The following GOT2 variants were observed in gnomAD, a reference collection of about 807,000 sequenced individuals.
The protein encoded by GOT2 is glutamic-oxaloacetic transaminase 2.
Under a neutral mutation model 50.0 loss-of-function variants are expected in GOT2, and 17 were observed. The observed-to-expected ratio is 0.34, with a 90% CI of 0.23 to 0.51. The LOEUF (loss-of-function observed/expected upper bound fraction) is 0.51. Ranked by LOEUF, GOT2 falls within the 20% of genes least tolerant of loss-of-function variation. GOT2 has a pLI of 0.97. For synonymous variants in GOT2, 172 were observed against 204.9 expected (o/e 0.84, Z 1.37); for missense variants, 430 against 559.6 (o/e 0.77, Z 2.34).
intron 8 of GOT2, 47 bp from the exon 9 acceptor site, chr16:58,709,614 C>A: frequency 6.5e-7 from 1 of 1,548,480 alleles, no homozygotes; most frequent in South Asian, 1.2e-5. Context: ...AAGCACTGAC[C>A]GATATGCTGG....
intron 9 of GOT2, 103 bp downstream of exon 9, chr16:58,709,314 A>C (rs1257110138): frequency 1.5e-5 from 15 of 1,010,686 alleles, no homozygotes; most frequent in Non-Finnish European, 2.1e-5. Flanking sequence ...AAAACAAAAA[A>C]CCCGAAAACA....
chr16:58,727,095 A>T (rs552365374), intron 1 of GOT2, among the ~76,000 whole-genome samples: 1 of 152,132 alleles, frequency 6.6e-6, no homozygotes, highest in Non-Finnish European at 1.5e-5. Context: ...CGGAGGTTGC[A>T]GTGAGCCGAG....
chr16:58,724,004 A>AG, intron 1 of GOT2, 102 bp from the exon 2 acceptor site: 1 of 1,043,878 alleles, frequency 9.6e-7, no homozygotes, highest in South Asian at 1.6e-5. Context: ...CCCAGGCTGG[A>AG]GTGCAGTGGT....
chr16:58,712,933 C>T (rs2044661538), intron 8 of GOT2, among the ~76,000 whole-genome samples: 1 of 152,106 alleles, frequency 6.6e-6, no homozygotes, highest in Non-Finnish European at 1.5e-5. Flanking sequence ...AACCCCGTCT[C>T]TACTAAAAAT....
At chr16:58,724,002 G>T in intron 1 of GOT2, 100 bp from the exon 2 acceptor site, 1 of 1,039,786 alleles carries the variant, frequency 9.6e-7, no homozygotes, top group Non-Finnish European at 1.4e-6. Context: ...TGCCCAGGCT[G>T]GAGTGCAGTG....
intron 1 of GOT2, among the ~76,000 whole-genome samples, chr16:58,733,058 A>G (rs2044848629): frequency 6.6e-6 from 1 of 152,226 alleles, no homozygotes; most frequent in African/African-American, 2.4e-5. Context: ...TTCAAACGAA[A>G]GGCCAAGCTA....
chr16:58,734,131 T>C lies in GOT2; in HGVS notation c.89+9A>G, dbSNP rs771424682. The stretch of plus-strand genomic sequence containing the variant: ...CGCCCTGGCTCCATCTCCGTTTCCC[T>C]TGGCTTACCTGGCTCTGGCAGAGGC... On this transcript the variant is annotated intron_variant, in intron 1 of 9. Coordinates refer to ENST00000245206, the MANE Select transcript of GOT2 (RefSeq NM_002080.4). 2 of 1,317,708 alleles carry C rather than the reference T, an allele frequency of 1.5e-6. No homozygotes were observed. Among genetic ancestry groups the C allele is most frequent in the Admixed American group, 6.1e-5 (2 of 32,774 alleles). 81.6% of individuals were successfully genotyped at this position (1,317,708 alleles called of 1,614,324 possible).
chr16:58,724,697 T>C (rs1014734219), intron 1 of GOT2, among the ~76,000 whole-genome samples: 1 of 151,912 alleles, frequency 6.6e-6, no homozygotes, highest in Non-Finnish European at 1.5e-5. Context: ...ACCGCCACCA[T>C]ACCCAGCTAA....
intron 9 of GOT2, among the ~76,000 whole-genome samples, chr16:58,708,781 C>A (rs1597695643): frequency 1.3e-5 from 2 of 151,430 alleles, no homozygotes; most frequent in Admixed American, 6.6e-5. Flanking sequence ...TGATTATGAA[C>A]ATGATCAAAA....
chr16:58,728,657 C>T (rs2044806825), intron 1 of GOT2, among the ~76,000 whole-genome samples: 1 of 152,014 alleles, frequency 6.6e-6, no homozygotes, highest in African/African-American at 2.4e-5. Flanking sequence ...TTAACAATAA[C>T]CCACAACCCT....
At chr16:58,715,910 G>A in intron 8 of GOT2, 104 bp downstream of exon 8, 1 of 869,596 alleles carries the variant, frequency 1.1e-6, no homozygotes, top group Non-Finnish European at 1.7e-6. Context: ...TCCACATATG[G>A]AATCTATGGG....
chr16:58,733,048 T>C (rs967066416), intron 1 of GOT2, among the ~76,000 whole-genome samples: 2 of 152,210 alleles, frequency 1.3e-5, no homozygotes, highest in African/African-American at 4.8e-5. Context: ...AGAGCATACA[T>C]TCAAACGAAA....
At chr16:58,729,864 A>T (rs931824917) in intron 1 of GOT2, among the ~76,000 whole-genome samples, 11 of 152,132 alleles carry the variant, frequency 7.2e-5, no homozygotes, top group African/African-American at 2.7e-4. Context: ...TCTAAACACA[A>T]TTTCAAAATA....
At chr16:58,720,555 C>G (rs1341274620) in intron 3 of GOT2, among the ~76,000 whole-genome samples, 1 of 151,180 alleles carries the variant, frequency 6.6e-6, no homozygotes. Flanking sequence ...TCCGATGATA[C>G]TACGATTCAC....
chr16:58,731,025 C>T (rs1374433240), intron 1 of GOT2, among the ~76,000 whole-genome samples: 1 of 152,156 alleles, frequency 6.6e-6, no homozygotes, highest in Non-Finnish European at 1.5e-5. Context: ...TAAAGTTTTA[C>T]AGTTTTTAAA....
At chr16:58,721,978 C>T in intron 3 of GOT2, 172 bp downstream of exon 3, 2 of 543,686 alleles carry the variant, frequency 3.7e-6, no homozygotes, top group East Asian at 3.2e-5. Flanking sequence ...TGGGGTTTCT[C>T]CATGTTAATC....
chr16:58,712,063 C>T (rs1486340419), intron 8 of GOT2, among the ~76,000 whole-genome samples: 1 of 151,984 alleles, frequency 6.6e-6, no homozygotes, highest in Non-Finnish European at 1.5e-5. Flanking sequence ...CCCCAGTTTC[C>T]TTGTCCGTTT....
chr16:58,734,293 A>T lies in GOT2; in HGVS notation c.-65T>A. 1 of 874,020 alleles carries T rather than the reference A, an allele frequency of 1.1e-6. No homozygotes were observed. Among genetic ancestry groups the T allele is most frequent in the Non-Finnish European group, 1.5e-6 (1 of 649,042 alleles). The allele number at this position is 874,020 out of a possible 1,614,324, so 54.1% of individuals were successfully genotyped here. A position where few individuals can be genotyped will look rare whatever the true frequency, so the allele number is the denominator to read the frequency against. The stretch of plus-strand genomic sequence containing the variant: ...GCAGAGGGCGAGCGGACACACACAC[A>T]GGGAACCGGCTCCTGCTGAAGGTAA... On this transcript the variant is annotated 5_prime_UTR_variant, in exon 1 of 10. Transcript: ENST00000245206.
At position 58,707,978 on chromosome 16, in the gene GOT2, A is replaced by G. The variant is rs1597695100; in HGVS notation, c.*193T>C. The G allele has an allele frequency of 4.7e-6, 2 of 423,444 alleles. No individual in the cohort carries two copies. The highest frequency in any genetic ancestry group is 7.6e-5 in the East Asian group (2 of 26,354). The allele number at this position is 423,444 out of a possible 1,614,324, so 26.2% of individuals were successfully genotyped here. A position where few individuals can be genotyped will look rare whatever the true frequency, so the allele number is the denominator to read the frequency against. On this transcript the variant is annotated 3_prime_UTR_variant, in exon 10 of 10. Coordinates refer to ENST00000245206, the MANE Select transcript of GOT2 (RefSeq NM_002080.4). The stretch of plus-strand genomic sequence containing the variant: ...AGTTTGGTTTAATATTCCAGACGCC[A>G]GCCATGGATGCCTCTGCCCTGTGTC...
Sources: allele counts gnomAD v4.1 joint callset (sites outside exome capture counted in the v4.1 genomes callset), GRCh38; gene constraint gnomAD v4.1.1; transcripts MANE v1.5; gene names NCBI Gene and HGNC (gene_info 2026-07-23, HGNC 2026-07-21).